The following SMC5 variants were observed in gnomAD, a reference collection of about 807,000 sequenced individuals.
SMC5 encodes the protein structural maintenance of chromosomes 5.
A neutral mutation model predicts 148.3 loss-of-function variants in SMC5; 88 were observed. The observed-to-expected ratio is 0.59, with a 90% CI of 0.50 to 0.71. SMC5 has a LOEUF of 0.71. SMC5 is among the 30% of genes least tolerant of loss of function. The pLI, the probability that SMC5 is intolerant of heterozygous loss-of-function variation, is 0.00. For missense variants in SMC5, 1,142 were observed against 1,298.9 expected, an observed-to-expected ratio of 0.88 and a Z score of 1.86; for synonymous variants, 421 against 432.8, an observed-to-expected ratio of 0.97 and a Z score of 0.34.
intron 10 of SMC5, among the ~76,000 whole-genome samples, chr9:70,304,896 A>G (rs1382761979): frequency 6.6e-6 from 1 of 152,162 alleles, no homozygotes; most frequent in Non-Finnish European, 1.5e-5. Flanking sequence ...GATTAAGAAA[A>G]TATGAAAAGT....
intron 17 of SMC5, among the ~76,000 whole-genome samples, chr9:70,337,146 T>C (rs1190323812): frequency 6.6e-6 from 1 of 152,106 alleles, no homozygotes; most frequent in Non-Finnish European, 1.5e-5. Flanking sequence ...AAGATGAGAT[T>C]TGGGTGGGGA....
Position 70,314,733 on chromosome 9 carries a change from T to G in SMC5, c.1579-9T>G. On this transcript the variant is annotated splice_polypyrimidine_tract_variant and intron_variant, in intron 11 of 24. Coordinates refer to ENST00000361138, the MANE Select transcript of SMC5 (RefSeq NM_015110.4). ...AATTAAAATAATATTTTCTTTTCCC[T>G]ATATTCAGGTTCGTGACAATAAAAA... 1 of 1,422,190 alleles carries G rather than the reference T, an allele frequency of 7.0e-7. No individual in the cohort carries two copies. Among genetic ancestry groups the G allele is most frequent in the East Asian group, 2.4e-5 (1 of 41,696 alleles). 88.1% of individuals were successfully genotyped at this position (1,422,190 alleles called of 1,614,324 possible). A position where few individuals can be genotyped will look rare whatever the true frequency, so the allele number is the denominator to read the frequency against.
Position 70,259,017 on chromosome 9 carries a change from T to G in SMC5, c.-62T>G, listed in dbSNP as rs878983240. On this transcript the variant is annotated 5_prime_UTR_variant, in exon 1 of 25. Coordinates refer to ENST00000361138, the MANE Select transcript of SMC5 (RefSeq NM_015110.4). ...CGGGGCGCCTGGGTGGATGGGCGCTTGGGCGCCTGGGCTGCCGGACGGTGG... is the reference window on the plus strand; with the variant it reads ...CGGGGCGCCTGGGTGGATGGGCGCTGGGGCGCCTGGGCTGCCGGACGGTGG... 2.7e-6 allele frequency: 4 copies of G among 1,502,558 alleles called. No individual in the cohort carries two copies. In the East Asian group the frequency reaches 9.9e-5, roughly 37 times the overall value. The allele number at this position is 1,502,558 out of a possible 1,614,324, so 93.1% of individuals were successfully genotyped here.
In SMC5 at chr9:70,300,035, T is replaced by G; in HGVS notation, c.1310-11T>G. On this transcript the variant is annotated splice_polypyrimidine_tract_variant and intron_variant, in intron 9 of 24. Coordinates refer to ENST00000361138, the MANE Select transcript of SMC5 (RefSeq NM_015110.4). ...AGAGAAACAAGACTTTGTTTTGTTT[T>G]ACAATTTTAGGTGTGGACGATCATA... is the stretch of plus-strand genomic sequence containing the variant. 1 of 1,548,948 alleles carries G rather than the reference T, an allele frequency of 6.5e-7. No homozygotes were observed. The highest frequency in any genetic ancestry group is 8.6e-7 in the Non-Finnish European group (1 of 1,156,592).
intron 12 of SMC5, 54 bp from the exon 13 acceptor site, chr9:70,315,392 A>AT (rs1338260165): frequency 5.2e-6 from 7 of 1,355,902 alleles, no homozygotes; most frequent in Non-Finnish European, 6.0e-6. Context: ...CAACTCCCAG[A>AT]TTTTTTTAAT....
chr9:70,297,904 C>T, intron 8 of SMC5, 62 bp from the exon 9 acceptor site: 9 of 1,535,046 alleles, frequency 5.9e-6, no homozygotes, highest in Non-Finnish European at 6.1e-6. Context: ...TATATTACTA[C>T]AGAAGTCTTA....
intron 15 of SMC5, among the ~76,000 whole-genome samples, chr9:70,321,922 A>T (rs1386642478): frequency 6.6e-6 from 1 of 152,094 alleles, no homozygotes; most frequent in Admixed American, 6.5e-5. Flanking sequence ...TGTTGTTCTG[A>T]CTTCTCGTCT....
At chr9:70,274,535 T>C (rs1049047776) in intron 3 of SMC5, among the ~76,000 whole-genome samples, 3 of 152,076 alleles carry the variant, frequency 2.0e-5, no homozygotes, top group African/African-American at 4.8e-5. Flanking sequence ...TTAATATCTT[T>C]TGTTATCTCA....
chr9:70,279,178 C>CT (rs1381427802), intron 5 of SMC5, among the ~76,000 whole-genome samples: 1 of 152,126 alleles, frequency 6.6e-6, no homozygotes, highest in Non-Finnish European at 1.5e-5. Context: ...GATCTTTTTT[C>CT]TACATCCCAG....
chr9:70,265,659 A>C (rs986434233), intron 2 of SMC5, among the ~76,000 whole-genome samples: 5 of 152,192 alleles, frequency 3.3e-5, no homozygotes, highest in African/African-American at 9.6e-5. Context: ...AAAAGTTGAG[A>C]GTGAAAGGAT....
At chr9:70,308,014 A>C (rs942542502) in intron 11 of SMC5, among the ~76,000 whole-genome samples, 14 of 152,118 alleles carry the variant, frequency 9.2e-5, no homozygotes, top group African/African-American at 3.1e-4. Context: ...TCTTTTAGAC[A>C]CCGAGCTCTG....
chr9:70,285,921 T>C (rs2034886845), intron 7 of SMC5, among the ~76,000 whole-genome samples: 1 of 152,182 alleles, frequency 6.6e-6, no homozygotes, highest in African/African-American at 2.4e-5. Flanking sequence ...GTCCTGATTA[T>C]CCTGTAGGGT....
At chr9:70,323,951 A>C in intron 16 of SMC5, 70 bp from the exon 17 acceptor site, 1 of 1,351,346 alleles carries the variant, frequency 7.4e-7, no homozygotes, top group East Asian at 2.5e-5. Flanking sequence ...TTGTTTTAAA[A>C]AACTATACAT....
intron 8 of SMC5, among the ~76,000 whole-genome samples, chr9:70,287,470 A>G (rs11142350): frequency 0.64 from 96,827 of 151,960 alleles, 31,619 homozygotes; most frequent in Non-Finnish European, 0.71. Flanking sequence ...TTGCTAACAG[A>G]TGCCCAAATA....
At chr9:70,262,874 C>T (rs186905818) in intron 1 of SMC5, among the ~76,000 whole-genome samples, 9 of 151,800 alleles carry the variant, frequency 5.9e-5, no homozygotes, top group Non-Finnish European at 8.8e-5. Context: ...ATAAATACAT[C>T]GTAGAATCAG....
chr9:70,274,296 C>T (rs1350767874), intron 3 of SMC5, among the ~76,000 whole-genome samples: 5 of 151,968 alleles, frequency 3.3e-5, no homozygotes, highest in South Asian at 2.1e-4. Context: ...TTAGCCAGGA[C>T]GGTCTCGATC....
intron 10 of SMC5, 75 bp from the exon 11 acceptor site, chr9:70,305,172 C>G (rs894518653): frequency 1.6e-6 from 1 of 640,034 alleles, no homozygotes; most frequent in African/African-American, 1.9e-5. Context: ...TAATTAAATC[C>G]AATTTTAATA....
At chr9:70,295,184 G>C (rs1197095989) in intron 8 of SMC5, among the ~76,000 whole-genome samples, 1 of 152,056 alleles carries the variant, frequency 6.6e-6, no homozygotes, top group Non-Finnish European at 1.5e-5. Context: ...GGAACATTCA[G>C]GCGGGGCGCG....
chr9:70,326,355 A>C (rs1161164541), intron 17 of SMC5, among the ~76,000 whole-genome samples: 1 of 152,160 alleles, frequency 6.6e-6, no homozygotes, highest in Non-Finnish European at 1.5e-5. Context: ...TGGTATGTAA[A>C]TTATACCTCA....
Sources: gnomAD v4.1 joint callset for allele counts (sites outside exome capture counted in the v4.1 genomes callset) on GRCh38, gnomAD v4.1.1 for gene constraint, MANE v1.5 for transcripts, NCBI Gene and HGNC (gene_info 2026-07-23, HGNC 2026-07-21) for gene names.